The following GRM7 variants were observed in gnomAD, a reference collection of about 807,000 sequenced individuals.
The protein encoded by GRM7 is glutamate metabotropic receptor 7, also known as metabotropic glutamate receptor 7.
In GRM7, 35 loss-of-function variants were observed where a neutral mutation model predicts 84.5. The ratio of observed to expected loss-of-function variants is 0.41; its 90% confidence interval spans 0.32 to 0.55. The LOEUF (loss-of-function observed/expected upper bound fraction) is 0.55. GRM7 is among the 20% of genes least tolerant of loss of function. GRM7 has a pLI of 0.19. For synonymous variants in GRM7, 487 were observed against 455.1 expected (o/e 1.07, Z -0.89); for missense variants, 1,003 against 1,194.6 (o/e 0.84, Z 2.36).
chr3:7,477,424 G>C (rs1698966010), intron 7 of GRM7, among the ~76,000 whole-genome samples: 1 of 152,076 alleles, frequency 6.6e-6, no homozygotes, highest in Non-Finnish European at 1.5e-5. Context: ...AGAAATCTTA[G>C]CTCTTCAACC....
intron 1 of GRM7, among the ~76,000 whole-genome samples, chr3:6,989,069 T>G (rs1694537443): frequency 6.6e-6 from 1 of 152,186 alleles, no homozygotes; most frequent in African/African-American, 2.4e-5. Flanking sequence ...CATCAAGCTC[T>G]TTAAATGGCC....
chr3:7,217,349 A>G (rs1696649452), intron 2 of GRM7, among the ~76,000 whole-genome samples: 1 of 152,148 alleles, frequency 6.6e-6, no homozygotes, highest in Non-Finnish European at 1.5e-5. Flanking sequence ...TAGTTTCCCT[A>G]TGGCATGCTG....
intron 4 of GRM7, among the ~76,000 whole-genome samples, chr3:7,359,056 G>C (rs1559264217): frequency 6.8e-6 from 1 of 146,734 alleles, no homozygotes; most frequent in Non-Finnish European, 1.5e-5. Flanking sequence ...AAGTTGTGGT[G>C]AGCCGAGATC....
chr3:7,066,524 G>A (rs1015875644), intron 1 of GRM7, among the ~76,000 whole-genome samples: 3 of 151,736 alleles, frequency 2.0e-5, no homozygotes, highest in Non-Finnish European at 4.4e-5. Flanking sequence ...AGATTGAAAT[G>A]GCAATTTAAA....
intron 1 of GRM7, among the ~76,000 whole-genome samples, chr3:7,043,969 C>T (rs879797595): frequency 3.3e-4 from 50 of 152,172 alleles, no homozygotes; most frequent in Non-Finnish European, 5.1e-4. Flanking sequence ...CATGTACCGC[C>T]CCCCTGGTTC....
At chr3:7,210,884 G>A (rs183751529) in intron 2 of GRM7, among the ~76,000 whole-genome samples, 1 of 151,956 alleles carries the variant, frequency 6.6e-6, no homozygotes, top group East Asian at 1.9e-4. Context: ...TGGAAGGCTG[G>A]CATGATGAAT....
chr3:7,157,966 T>C (rs569308724), intron 2 of GRM7, among the ~76,000 whole-genome samples: 1 of 152,270 alleles, frequency 6.6e-6, no homozygotes, highest in East Asian at 1.9e-4. Flanking sequence ...GAGAATCTCC[T>C]GGTAGTGCTT....
At chr3:7,421,721 C>T (rs1696401561) in intron 5 of GRM7, among the ~76,000 whole-genome samples, 2 of 151,996 alleles carry the variant, frequency 1.3e-5, no homozygotes, top group Admixed American at 1.3e-4. Context: ...AGGGCTTCTC[C>T]AGGTACAACT....
intron 2 of GRM7, among the ~76,000 whole-genome samples, chr3:7,255,286 C>G (rs1472526941): frequency 6.6e-6 from 1 of 152,212 alleles, no homozygotes; most frequent in Non-Finnish European, 1.5e-5. Flanking sequence ...TGCTCTTAGA[C>G]TCTGGAACTG....
At chr3:6,953,225 T>C (rs2125071772) in intron 1 of GRM7, among the ~76,000 whole-genome samples, 1 of 152,352 alleles carries the variant, frequency 6.6e-6, no homozygotes, top group East Asian at 1.9e-4. Flanking sequence ...TGTTTTGTTT[T>C]TGTTTTGAAT....
At chr3:6,968,502 C>T (rs1424058655) in intron 1 of GRM7, among the ~76,000 whole-genome samples, 2 of 152,170 alleles carry the variant, frequency 1.3e-5, no homozygotes, top group Admixed American at 6.5e-5. Flanking sequence ...AATAATCGCA[C>T]TTCTTTCATT....
chr3:7,436,070 C>T (rs571993582), intron 5 of GRM7, among the ~76,000 whole-genome samples: 1 of 151,842 alleles, frequency 6.6e-6, no homozygotes, highest in South Asian at 2.1e-4. Context: ...TGGTCTCAAA[C>T]TCCTGAGCTC....
At chr3:7,263,317 C>T (rs891469393) in intron 2 of GRM7, among the ~76,000 whole-genome samples, 1 of 152,176 alleles carries the variant, frequency 6.6e-6, no homozygotes, top group Non-Finnish European at 1.5e-5. Context: ...AGAGGTGCAA[C>T]AGGACCACTG....
At chr3:6,940,195 G>T (rs984263177) in intron 1 of GRM7, among the ~76,000 whole-genome samples, 1 of 152,042 alleles carries the variant, frequency 6.6e-6, no homozygotes, top group African/African-American at 2.4e-5. Flanking sequence ...GGGTTCAAGC[G>T]ATACTCCTGC....
At position 7,049,367 on chromosome 3, in the gene GRM7, G is replaced by T. The variant is rs115361339; in HGVS notation, c.520-97085G>T. Reference sequence around the variant, plus strand: ...AGCAAAGTCACATCTTACATGGCAGGCAAGAGAGCTTGTGCAGGGAAACTC... The same window carrying T: ...AGCAAAGTCACATCTTACATGGCAGTCAAGAGAGCTTGTGCAGGGAAACTC... On this transcript the variant is annotated intron_variant, in intron 1 of 9. Coordinates refer to ENST00000357716, the MANE Select transcript of GRM7 (RefSeq NM_000844.4). Among the ~76,000 whole-genome samples the T allele has an allele frequency of 4.5e-3, 678 of 152,054 alleles. 6 individuals carry two copies. The highest frequency in any genetic ancestry group is 0.015 in the African/African-American group (641 of 41,536).
intron 8 of GRM7, among the ~76,000 whole-genome samples, chr3:7,647,668 G>A (rs1698713397): frequency 6.6e-6 from 1 of 152,156 alleles, no homozygotes; most frequent in South Asian, 2.1e-4. Context: ...GAGTCTTCTA[G>A]GTGACTAGCG....
chr3:7,355,971 G>C (rs1367417295), intron 4 of GRM7, among the ~76,000 whole-genome samples: 1 of 152,140 alleles, frequency 6.6e-6, no homozygotes, highest in Non-Finnish European at 1.5e-5. Context: ...AGTCAACGCT[G>C]CAGCACTATA....
intron 7 of GRM7, among the ~76,000 whole-genome samples, chr3:7,476,063 G>T (rs1408890967): frequency 6.6e-6 from 1 of 152,166 alleles, no homozygotes; most frequent in African/African-American, 2.4e-5. Flanking sequence ...TATTTCAGAA[G>T]AGGTCATATG....
intron 3 of GRM7, among the ~76,000 whole-genome samples, chr3:7,303,846 T>G (rs1700093980): frequency 6.6e-6 from 1 of 152,132 alleles, no homozygotes. Flanking sequence ...ACTCTCTCTT[T>G]GTTTTACCAC....
Sources: allele counts gnomAD v4.1 joint callset (sites outside exome capture counted in the v4.1 genomes callset), GRCh38; gene constraint gnomAD v4.1.1; transcripts MANE v1.5; gene names NCBI Gene and HGNC (gene_info 2026-07-23, HGNC 2026-07-21).